The following YPEL1 variants were observed in gnomAD, a reference collection of about 807,000 sequenced individuals.
The protein encoded by YPEL1 is protein yippee-like 1.
Under a neutral mutation model 17.3 loss-of-function variants are expected in YPEL1, and 7 were observed. That is an observed-to-expected ratio of 0.40 (90% CI 0.23 to 0.76). The LOEUF is 0.76. Among genes scored for constraint, YPEL1 ranks in the 30% least tolerant of loss-of-function variants. The pLI, the probability that YPEL1 is intolerant of heterozygous loss-of-function variation, is 0.35. For missense variants in YPEL1, 91 were observed against 155.5 expected, an observed-to-expected ratio of 0.59 and a Z score of 2.21; for synonymous variants, 59 against 59.6, an observed-to-expected ratio of 0.99 and a Z score of 0.05.
intron 2 of YPEL1, among the ~76,000 whole-genome samples, chr22:21,708,858 G>A (rs771907503): frequency 3.8e-4 from 58 of 151,578 alleles, no homozygotes; most frequent in Non-Finnish European, 7.2e-4. Context: ...TAGTAGAGAC[G>A]GGGTTTCTCC....
At chr22:21,726,431 G>T (rs372957120) in intron 1 of YPEL1, among the ~76,000 whole-genome samples, 1 of 152,300 alleles carries the variant, frequency 6.6e-6, no homozygotes, top group South Asian at 2.1e-4. Flanking sequence ...ATCCCTGCCC[G>T]CTAGCGGCCA....
intron 1 of YPEL1, among the ~76,000 whole-genome samples, chr22:21,715,339 C>T (rs1193181785): frequency 1.3e-5 from 2 of 151,782 alleles, no homozygotes; most frequent in African/African-American, 2.4e-5. Flanking sequence ...ATTAAAAATA[C>T]AAATATTAGC....
chr22:21,708,918 C>T (rs936311965), intron 2 of YPEL1, among the ~76,000 whole-genome samples: 2 of 152,056 alleles, frequency 1.3e-5, no homozygotes, highest in African/African-American at 4.8e-5. Flanking sequence ...AAGTGATCCG[C>T]CCACCTCGGT....
chr22:21,727,055 C>G (rs2068342820), intron 1 of YPEL1, among the ~76,000 whole-genome samples: 1 of 152,160 alleles, frequency 6.6e-6, no homozygotes, highest in Non-Finnish European at 1.5e-5. Flanking sequence ...CAGCCCCGCC[C>G]CCAAGGCAAT....
At chr22:21,705,066 A>G (rs1301946721) in intron 2 of YPEL1, among the ~76,000 whole-genome samples, 2 of 152,168 alleles carry the variant, frequency 1.3e-5, no homozygotes, top group Non-Finnish European at 2.9e-5. Context: ...CCAGGGTTCA[A>G]GCAATTCTCC....
At chr22:21,716,371 C>A (rs955501296) in intron 1 of YPEL1, among the ~76,000 whole-genome samples, 3 of 152,234 alleles carry the variant, frequency 2.0e-5, no homozygotes, top group Non-Finnish European at 4.4e-5. Context: ...CAGGGGCTGA[C>A]AAGACAGTGA....
intron 1 of YPEL1, chr22:21,722,872 TA>T (rs559202198): frequency 1.8e-3 from 280 of 152,072 alleles, no homozygotes; most frequent in African/African-American, 6.3e-3. Context: ...TCTGGGGGAT[TA>T]TTTTTTTTTA....
At position 21,721,585 on chromosome 22, in the gene YPEL1, G is replaced by A. The variant is rs113936744; in HGVS notation, c.-164-10677C>T. Reference sequence around the variant, plus strand: ...ATTACAGGTGCACATCACCATGACTGGCTAATTTTTATATTTTTAGTAGAG... The same window carrying A: ...ATTACAGGTGCACATCACCATGACTAGCTAATTTTTATATTTTTAGTAGAG... On this transcript the variant is annotated intron_variant, in intron 1 of 4. Transcript: ENST00000339468. Among the ~76,000 whole-genome samples, 815 of 152,210 alleles carry A rather than the reference G, an allele frequency of 5.4e-3. 5 individuals are homozygous for A. Among genetic ancestry groups the A allele is most frequent in the African/African-American group, 0.018 (757 of 41,538 alleles).
Position 21,715,813 on chromosome 22 carries a change from G to A in YPEL1, c.-164-4905C>T, listed in dbSNP as rs1601633279. On this transcript the variant is annotated intron_variant, in intron 1 of 4. Coordinates refer to ENST00000339468, the MANE Select transcript of YPEL1 (RefSeq NM_013313.5). ...AGTTTCGCTCTTATTGCCCAGGCTG[G>A]AGTGCAATGGCACGATCTTGGCTCA... is the stretch of plus-strand genomic sequence containing the variant. 2.2e-5 allele frequency among the ~76,000 whole-genome samples: 3 copies of A among 137,154 alleles called. No homozygotes were observed. In the East Asian group the frequency reaches 6.1e-4, roughly 28 times the overall value. 90.0% of individuals were successfully genotyped at this position (137,154 alleles called of 152,430 possible). A position where few individuals can be genotyped will look rare whatever the true frequency, so the allele number is the denominator to read the frequency against.
intron 1 of YPEL1, among the ~76,000 whole-genome samples, chr22:21,711,269 C>G (rs982919820): frequency 6.6e-6 from 1 of 152,178 alleles, no homozygotes; most frequent in Non-Finnish European, 1.5e-5. Context: ...AAAATGAACA[C>G]TGACACCATG....
At position 21,710,792 on chromosome 22, in the gene YPEL1, CGT is replaced by C; in HGVS notation, c.-50_-49del. ...AGCTCAGGGCTGGTTCTGGAAGAACCGTGGCTCTGCTGGCCTCTCTGACAAAA... is the reference window on the plus strand; with the variant it reads ...AGCTCAGGGCTGGTTCTGGAAGAACCGGCTCTGCTGGCCTCTCTGACAAAA... On this transcript the variant is annotated 5_prime_UTR_variant, in exon 2 of 5. The change abolishes the stop of an existing upstream ORF in the 5' untranslated region. Coordinates refer to ENST00000339468, the MANE Select transcript of YPEL1 (RefSeq NM_013313.5). 4 of 1,540,082 alleles carry C rather than the reference CGT, an allele frequency of 2.6e-6. No individual in the cohort carries two copies. The highest frequency in any genetic ancestry group is 2.7e-6 in the Non-Finnish European group (3 of 1,112,976).
At position 21,703,612 on chromosome 22, in the gene YPEL1, C is replaced by A; in HGVS notation, c.162-134G>T. On this transcript the variant is annotated intron_variant, in intron 3 of 4. Transcript: ENST00000339468. This position sits in a 1 kb window ranked among gnomAD's most constrained non-coding sequence, Gnocchi z 6.1. ...GAAACTCCCAGAGAGCAGTGCCGTGCCTCTCCCCCAGCCCTGCCCGCCACC... is the reference window on the plus strand; with the variant it reads ...GAAACTCCCAGAGAGCAGTGCCGTGACTCTCCCCCAGCCCTGCCCGCCACC... 1 of 878,242 alleles carries A rather than the reference C, an allele frequency of 1.1e-6. No individual in the cohort carries two copies. The highest frequency in any genetic ancestry group is 2.3e-5 in the Admixed American group (1 of 42,904). The allele number at this position is 878,242 out of a possible 1,614,324, so 54.4% of individuals were successfully genotyped here.
Position 21,734,382 on chromosome 22 carries a change from T to C in YPEL1, c.-165+1233A>G, listed in dbSNP as rs551687537. ...GGGTAAGGATAGGGAGCACTGGGTG[T>C]AGGATATATTGGGATTGTCTGTACT... On this transcript the variant is annotated intron_variant, in intron 1 of 4. Transcript: ENST00000339468. Among the ~76,000 whole-genome samples, 112 of 152,320 alleles carry C rather than the reference T, an allele frequency of 7.4e-4. 1 individual carries two copies. In the South Asian group the frequency reaches 0.023, roughly 31 times the overall value.
chr22:21,701,575 A>G (rs1398769348), intron 4 of YPEL1, among the ~76,000 whole-genome samples: 2 of 152,182 alleles, frequency 1.3e-5, no homozygotes, highest in African/African-American at 4.8e-5. Context: ...GACTCAAGTG[A>G]TCCTTCCACC....
rs540063230 is a variant in YPEL1, at chr22:21,703,084, C to G, written c.270+286G>C. ...CCACACCAGGCTCTGCTCAGCGGGC[C>G]GAGGGCGGGCTGGGTGCAGAGAGCC... On this transcript the variant is annotated intron_variant, in intron 4 of 4. Coordinates refer to ENST00000339468, the MANE Select transcript of YPEL1 (RefSeq NM_013313.5). This position sits in a 1 kb window ranked among gnomAD's most constrained non-coding sequence, Gnocchi z 6.1. Among the ~76,000 whole-genome samples, 1 of 152,190 alleles carries G rather than the reference C, an allele frequency of 6.6e-6. No homozygotes were observed. Among genetic ancestry groups the G allele is most frequent in the African/African-American group, 2.4e-5 (1 of 41,434 alleles).
rs2068032955 is a variant in YPEL1 at position 21,698,834 on chromosome 22, CA to C, written c.*2294del. 6.6e-6 allele frequency: 1 copy of C among 152,462 alleles called. No homozygotes were observed. The highest frequency in any genetic ancestry group is 2.4e-5 in the African/African-American group (1 of 41,468). 9.4% of individuals were successfully genotyped at this position (152,462 alleles called of 1,614,324 possible). On this transcript the variant is annotated 3_prime_UTR_variant, in exon 5 of 5. Transcript: ENST00000339468. ...GTGGCTGCACGCGAGCTCAGGAGGA[CA>C]GGATGTGCTGGGCCAGCCTAAACCC... is the stretch of plus-strand genomic sequence containing the variant.
intron 1 of YPEL1, among the ~76,000 whole-genome samples, chr22:21,731,451 A>C (rs2068385127): frequency 6.6e-6 from 1 of 151,734 alleles, no homozygotes; most frequent in Non-Finnish European, 1.5e-5. Context: ...AAAGAGGTTG[A>C]GAATCTTAAA....
At chr22:21,709,094 T>C (rs1249616058) in intron 2 of YPEL1, among the ~76,000 whole-genome samples, 1 of 152,116 alleles carries the variant, frequency 6.6e-6, no homozygotes, top group African/African-American at 2.4e-5. Flanking sequence ...AAACCATGCA[T>C]GGGGCCGGAC....
chr22:21,730,958 T>C (rs1400620945), intron 1 of YPEL1, among the ~76,000 whole-genome samples: 2 of 152,214 alleles, frequency 1.3e-5, no homozygotes, highest in Non-Finnish European at 2.9e-5. Flanking sequence ...CTACTGATAA[T>C]GTGCTTGTAC....
Sources: allele counts gnomAD v4.1 joint callset (sites outside exome capture counted in the v4.1 genomes callset), GRCh38; gene constraint gnomAD v4.1.1; non-coding constraint Gnocchi (gnomAD v3.1); transcripts MANE v1.5; gene names NCBI Gene and HGNC (gene_info 2026-07-23, HGNC 2026-07-21).